Variants in USP6 observed in about 807,000 individuals in gnomAD.
The protein encoded by USP6 is ubiquitin specific peptidase 6.
Under a neutral mutation model 175.7 loss-of-function variants are expected in USP6, and 128 were observed. The observed-to-expected ratio is 0.73, with a 90% CI of 0.63 to 0.84. The LOEUF (loss-of-function observed/expected upper bound fraction) is 0.84. Ranked by LOEUF, USP6 falls within the 40% of genes least tolerant of loss-of-function variation. The probability of loss-of-function intolerance (pLI) is 0.00; values close to 1 mark genes in which losing one functional copy is unlikely to be tolerated. For missense variants in USP6, 1,498 were observed against 1,760.3 expected, an observed-to-expected ratio of 0.85 and a Z score of 2.67; for synonymous variants, 562 against 630.6, an observed-to-expected ratio of 0.89 and a Z score of 1.63.
chr17:5,158,524 A>G (rs1356778251), intron 31 of USP6, among the ~76,000 whole-genome samples: 4 of 151,348 alleles, frequency 2.6e-5, no homozygotes, highest in Non-Finnish European at 5.9e-5. Flanking sequence ...CTGAGATCAC[A>G]CCACTGTACT....
chr17:5,156,386 C>A (rs1852304479), intron 31 of USP6, among the ~76,000 whole-genome samples: 1 of 152,016 alleles, frequency 6.6e-6, no homozygotes, highest in Non-Finnish European at 1.5e-5. Flanking sequence ...TGGCTCACTG[C>A]AACCTCCACC....
At chr17:5,167,908 T>C in intron 33 of USP6, 24 bp from the exon 34 acceptor site, 1 of 1,598,402 alleles carries the variant, frequency 6.3e-7, no homozygotes. Context: ...CACACCCCTT[T>C]CCTCCTGTTC....
chr17:5,128,419 A>G (rs2072958154), intron 7 of USP6: 1 of 152,234 alleles, frequency 6.6e-6, no homozygotes, highest in Non-Finnish European at 1.5e-5. Context: ...TAATAGTATT[A>G]GCTTTTGTAT....
At chr17:5,131,448 GGT>G (rs1259210080) in intron 11 of USP6, among the ~76,000 whole-genome samples, 1 of 149,860 alleles carries the variant, frequency 6.7e-6, no homozygotes, top group African/African-American at 2.5e-5. Flanking sequence ...GTGTGGCTCG[GGT>G]ATAGGGAGAG....
At chr17:5,166,715 G>T (rs1377037950) in intron 33 of USP6, among the ~76,000 whole-genome samples, 2 of 151,970 alleles carry the variant, frequency 1.3e-5, no homozygotes, top group Admixed American at 6.6e-5. Context: ...CAAACAGAAG[G>T]ATCCCAGCTC....
In USP6 at chr17:5,174,106, TTTTA is replaced by T. The variant is rs2074278895; in HGVS notation, c.*1132_*1135del. ...GCTTTGTTTGCATGTCCACTGGTTT[TTTTA>T]TTTTGATATTTGTCTTTTTTTAAAT... is the stretch of plus-strand genomic sequence containing the variant. On this transcript the variant is annotated 3_prime_UTR_variant, in exon 38 of 38. Coordinates refer to ENST00000574788, the MANE Select transcript of USP6 (RefSeq NM_001304284.2). The T allele has an allele frequency of 4.9e-6, 1 of 203,348 alleles. No individual in the cohort carries two copies. The highest frequency in any genetic ancestry group is 2.3e-5 in the African/African-American group (1 of 43,758). 12.6% of individuals were successfully genotyped at this position (203,348 alleles called of 1,614,324 possible).
chr17:5,132,577 C>G lies in USP6; in HGVS notation c.195+142C>G, dbSNP rs2073107280. ...CTGGGAGGGGCAGCAGAGACCTGAC[C>G]CCAAGTTGCTGTAACTTTGGCAGTT... is the stretch of plus-strand genomic sequence containing the variant. On this transcript the variant is annotated intron_variant, in intron 12 of 37. Coordinates refer to ENST00000574788, the MANE Select transcript of USP6 (RefSeq NM_001304284.2). The surrounding 1 kb of genome is among the most constrained non-coding windows in gnomAD (Gnocchi z 4.7). 1.3e-6 allele frequency: 2 copies of G among 1,492,224 alleles called. No homozygotes were observed. Among genetic ancestry groups the G allele is most frequent in the Non-Finnish European group, 1.9e-6 (2 of 1,071,790 alleles). 92.4% of individuals were successfully genotyped at this position (1,492,224 alleles called of 1,614,324 possible).
At position 5,161,798 on chromosome 17, in the gene USP6, C is replaced by T. The variant is rs369383303; in HGVS notation, c.2915+184C>T. 1.4e-3 allele frequency among the ~76,000 whole-genome samples: 210 copies of T among 152,286 alleles called. 5 individuals carry two copies. In the South Asian group the frequency reaches 0.042, roughly 30 times the overall value. On this transcript the variant is annotated intron_variant, in intron 32 of 37. Transcript: ENST00000574788. ...TGAGAAGCCGAGGCGGGTGGATCAC[C>T]TGAGATCAGGAGTTTGAGACCAGCC...
At chr17:5,156,442 G>T (rs1266126309) in intron 31 of USP6, among the ~76,000 whole-genome samples, 1 of 152,008 alleles carries the variant, frequency 6.6e-6, no homozygotes, top group Non-Finnish European at 1.5e-5. Context: ...TGAGTAGCTG[G>T]GATACAGGCA....
chr17:5,152,005 G>A (rs1399398346), intron 30 of USP6, among the ~76,000 whole-genome samples: 5 of 152,114 alleles, frequency 3.3e-5, no homozygotes, highest in Non-Finnish European at 7.4e-5. Flanking sequence ...TTGAGAGGCC[G>A]AGATGAGACG....
chr17:5,123,802 GACACACAC>G (rs151078930), intron 4 of USP6, among the ~76,000 whole-genome samples: 3 of 151,146 alleles, frequency 2.0e-5, no homozygotes, highest in African/African-American at 7.3e-5. Context: ...ACACCTGTAG[GACACACAC>G]ACACACACAA....
rs766257824 is a variant in USP6, at chr17:5,172,919, A to T, written c.4162A>T (p.Thr1388Ser). The change falls in exon 38 of 38, where the codon ACA becomes TCA. Residue 1388 changes from threonine to serine, a missense_variant. Physicochemically the swap from Thr to Ser is moderately conservative, Grantham distance 58. Coordinates refer to ENST00000574788, the MANE Select transcript of USP6 (RefSeq NM_001304284.2). ...GATTGATGGCAAAAAGATGGCAGAC[A>T]CAAGCAGTACGGATGAAGACTCTGA... ...PKIDGKKMAD[T>S]SSTDEDSESD... The T allele has an allele frequency of 1.2e-5, 20 of 1,613,892 alleles. No individual in the cohort carries two copies. The highest frequency in any genetic ancestry group is 1.6e-5 in the Non-Finnish European group (19 of 1,179,878).
rs2073116122 is a variant in USP6, at chr17:5,132,795, C to A, written c.196-115C>A. On this transcript the variant is annotated intron_variant, in intron 12 of 37. Coordinates refer to ENST00000574788, the MANE Select transcript of USP6 (RefSeq NM_001304284.2). The surrounding 1 kb of genome is among the most constrained non-coding windows in gnomAD (Gnocchi z 4.7). ...CTCTCAGCCCTTAGGGTCTGCCCTT[C>A]CCTGGCTCCTTCCAGTTGGGTCCCA... is the stretch of plus-strand genomic sequence containing the variant. 6 of 1,312,038 alleles carry A rather than the reference C, an allele frequency of 4.6e-6. No individual in the cohort carries two copies. The highest frequency in any genetic ancestry group is 5.5e-6 in the Non-Finnish European group (5 of 908,362). 81.3% of individuals were successfully genotyped at this position (1,312,038 alleles called of 1,614,324 possible). A position where few individuals can be genotyped will look rare whatever the true frequency, so the allele number is the denominator to read the frequency against.
At chr17:5,128,633 C>T (rs1054992829) in intron 7 of USP6, 3 of 152,526 alleles carry the variant, frequency 2.0e-5, no homozygotes, top group African/African-American at 7.2e-5. Context: ...ACATGTTTAT[C>T]CACATACACA....
chr17:5,130,933 C>T (rs1052988708), intron 11 of USP6, among the ~76,000 whole-genome samples: 1 of 152,196 alleles, frequency 6.6e-6, no homozygotes, highest in African/African-American at 2.4e-5. Flanking sequence ...CCCCTGGGCT[C>T]TCAGCAGTTC....
In USP6 at chr17:5,173,348, AAAAC is replaced by A. The variant is rs1286436047; in HGVS notation, c.*377_*380del. The A allele has an allele frequency of 2.5e-5, 6 of 236,906 alleles. No individual in the cohort carries two copies. The highest frequency in any genetic ancestry group is 5.4e-5 in the Admixed American group (1 of 18,410). 14.7% of individuals were successfully genotyped at this position (236,906 alleles called of 1,614,324 possible). A position where few individuals can be genotyped will look rare whatever the true frequency, so the allele number is the denominator to read the frequency against. On this transcript the variant is annotated 3_prime_UTR_variant, in exon 38 of 38. Transcript: ENST00000574788. ...AAAGATTTCCTTGGAGTCAGAGGAA[AAAAC>A]AAACAATTATAATGTTGTCTAGGGA...
rs973189084 is a variant in USP6, at chr17:5,124,901, A to G, written c.-963A>G. ...TATGCAAGGTAATTTTGGGTGGTTC[A>G]AGGTGAATAATTTCAATTGACATAA... On this transcript the variant is annotated 5_prime_UTR_variant, in exon 5 of 38. Coordinates refer to ENST00000574788, the MANE Select transcript of USP6 (RefSeq NM_001304284.2). 2 of 152,216 alleles carry G rather than the reference A, an allele frequency of 1.3e-5. No homozygotes were observed. The highest frequency in any genetic ancestry group is 2.9e-5 in the Non-Finnish European group (2 of 68,048). 9.4% of individuals were successfully genotyped at this position (152,216 alleles called of 1,614,324 possible). A position where few individuals can be genotyped will look rare whatever the true frequency, so the allele number is the denominator to read the frequency against.
At position 5,132,209 on chromosome 17, in the gene USP6, C is replaced by T; in HGVS notation, c.156-187C>T. 6.4e-7 allele frequency: 1 copy of T among 1,554,020 alleles called. No individual in the cohort carries two copies. Among genetic ancestry groups the T allele is most frequent in the South Asian group, 1.2e-5 (1 of 85,852 alleles). ...GGCTGTCCCTGCACTCCTTCTTCTC[C>T]CAGGTCCTGCCCCTCCTGGGAGTCA... On this transcript the variant is annotated intron_variant, in intron 11 of 37. Coordinates refer to ENST00000574788, the MANE Select transcript of USP6 (RefSeq NM_001304284.2). This position sits in a 1 kb window ranked among gnomAD's most constrained non-coding sequence, Gnocchi z 4.7.
chr17:5,136,816 T>G (rs1325756827), intron 18 of USP6, 82 bp downstream of exon 18: 2 of 1,557,388 alleles, frequency 1.3e-6, no homozygotes, highest in Non-Finnish European at 1.8e-6. Context: ...GAGTCCCTTG[T>G]GGGACTGGTG....
Sources: gnomAD v4.1 joint callset for allele counts (sites outside exome capture counted in the v4.1 genomes callset) on GRCh38, gnomAD v4.1.1 for gene constraint, Gnocchi (gnomAD v3.1) non-coding constraint, MANE v1.5 for transcripts, NCBI Gene and HGNC (gene_info 2026-07-23, HGNC 2026-07-21) for gene names.